TCF4: variants seen among roughly 807,000 people sequenced by gnomAD.
TCF4 encodes SL3-3 enhancer factor 2.
Under a neutral mutation model 82.1 loss-of-function variants are expected in TCF4, and 3 were observed. The observed-to-expected ratio is 0.04, with a 90% confidence interval of 0.02 to 0.09. The LOEUF is 0.09. Ranked by LOEUF, TCF4 falls within the 10% of genes least tolerant of loss-of-function variation. The pLI is 1.00. For missense variants in TCF4, 518 were observed against 852.7 expected, an observed-to-expected ratio of 0.61 and a Z score of 4.89; for synonymous variants, 276 against 309.6, an observed-to-expected ratio of 0.89 and a Z score of 1.14.
At chr18:55,476,479 T>G (rs2096291316) in intron 3 of TCF4, among the ~76,000 whole-genome samples, 1 of 152,140 alleles carries the variant, frequency 6.6e-6, no homozygotes, top group South Asian at 2.1e-4. Flanking sequence ...TTTTTTGTTT[T>G]TGTTTTTTTT....
chr18:55,446,507 A>C (rs1291828623), intron 5 of TCF4, among the ~76,000 whole-genome samples: 2 of 152,166 alleles, frequency 1.3e-5, no homozygotes, highest in African/African-American at 4.8e-5. Flanking sequence ...TCTTGCTTCA[A>C]ATCTGGATTC....
chr18:55,468,793 A>G (rs1047759228), intron 3 of TCF4, among the ~76,000 whole-genome samples: 9 of 152,078 alleles, frequency 5.9e-5, no homozygotes, highest in Admixed American at 2.6e-4. Flanking sequence ...AACAATATAC[A>G]GGAAATAGAT....
At chr18:55,246,395 G>A (rs556502913) in intron 15 of TCF4, among the ~76,000 whole-genome samples, 1 of 152,032 alleles carries the variant, frequency 6.6e-6, no homozygotes, top group African/African-American at 2.4e-5. Flanking sequence ...AGGGTTTTGA[G>A]GTAAACATCC....
At chr18:55,312,485 G>T (rs1360552559) in intron 8 of TCF4, among the ~76,000 whole-genome samples, 1 of 152,128 alleles carries the variant, frequency 6.6e-6, no homozygotes, top group Non-Finnish European at 1.5e-5. Context: ...TCCTTCATAA[G>T]AAACAATTCC....
At chr18:55,283,224 C>T (rs1307237634) in intron 8 of TCF4, among the ~76,000 whole-genome samples, 1 of 150,458 alleles carries the variant, frequency 6.6e-6, no homozygotes, top group Non-Finnish European at 1.5e-5. Context: ...AGAAGTATTA[C>T]TATGGTACAT....
intron 3 of TCF4, chr18:55,483,040 C>T (rs1432867290): frequency 6.6e-6 from 1 of 152,196 alleles, no homozygotes; most frequent in African/African-American, 2.4e-5. Flanking sequence ...GAAAAAGCTG[C>T]ATAAACACAA....
At chr18:55,600,517 C>T (rs2097695716) in intron 2 of TCF4, among the ~76,000 whole-genome samples, 1 of 152,338 alleles carries the variant, frequency 6.6e-6, no homozygotes, top group Non-Finnish European at 1.5e-5. Context: ...GAACCGTACA[C>T]ATGGACTCCA....
chr18:55,439,968 C>T (rs2095409556), intron 5 of TCF4, among the ~76,000 whole-genome samples: 1 of 152,190 alleles, frequency 6.6e-6, no homozygotes, highest in South Asian at 2.1e-4. Context: ...AAATGATCTG[C>T]CCTCCTCGGC....
chr18:55,497,610 T>A (rs941831041), intron 3 of TCF4, among the ~76,000 whole-genome samples: 2 of 152,234 alleles, frequency 1.3e-5, no homozygotes, highest in Admixed American at 1.3e-4. Flanking sequence ...ACCTAGCAGT[T>A]ATATTTGTTA....
intron 6 of TCF4, among the ~76,000 whole-genome samples, chr18:55,388,728 T>G (rs1248471296): frequency 6.6e-6 from 1 of 152,196 alleles, no homozygotes; most frequent in Non-Finnish European, 1.5e-5. Context: ...ATGCCAAATC[T>G]GGATCCAAAG....
intron 3 of TCF4, among the ~76,000 whole-genome samples, chr18:55,498,095 A>G (rs184921127): frequency 1.3e-5 from 2 of 152,338 alleles, no homozygotes; most frequent in African/African-American, 2.4e-5. Context: ...GTCTACACCA[A>G]GATATTTTTA....
intron 15 of TCF4, among the ~76,000 whole-genome samples, chr18:55,241,470 T>C (rs368965039): frequency 1.3e-5 from 2 of 152,348 alleles, no homozygotes; most frequent in African/African-American, 4.8e-5. Context: ...GAGAATATGG[T>C]GAAGTCTAGC....
chr18:55,528,676 T>C (rs1236782078), intron 3 of TCF4, among the ~76,000 whole-genome samples: 1 of 152,218 alleles, frequency 6.6e-6, no homozygotes, highest in African/African-American at 2.4e-5. Flanking sequence ...ATAGCACTAG[T>C]GTCATTAAAG....
At chr18:55,501,481 T>C (rs1046873775) in intron 3 of TCF4, among the ~76,000 whole-genome samples, 3 of 152,178 alleles carry the variant, frequency 2.0e-5, no homozygotes, top group Non-Finnish European at 2.9e-5. Flanking sequence ...ACTGAAAAGA[T>C]GAAACTCTAG....
rs140249356 is a variant in TCF4, at chr18:55,309,068, T to G, written c.550-29412A>C. Among the ~76,000 whole-genome samples, 44 of 152,228 alleles carry G rather than the reference T, an allele frequency of 2.9e-4. 1 individual carries two copies. Among genetic ancestry groups the G allele is most frequent in the African/African-American group, 1.0e-3 (43 of 41,558 alleles). Reference sequence around the variant, plus strand: ...GAAGTGATCTTTTTAAAGTTTTATTTAATTCTCATTGACTGACATCATTTA... The same window carrying G: ...GAAGTGATCTTTTTAAAGTTTTATTGAATTCTCATTGACTGACATCATTTA... On this transcript the variant is annotated intron_variant, in intron 8 of 19. Coordinates refer to ENST00000354452, the MANE Select transcript of TCF4 (RefSeq NM_001083962.2).
At chr18:55,236,364 T>C (rs961394625) in intron 15 of TCF4, among the ~76,000 whole-genome samples, 57 of 152,280 alleles carry the variant, frequency 3.7e-4, no homozygotes, top group African/African-American at 1.3e-3. Context: ...AAGAAGCCCA[T>C]TCCATTTTTA....
chr18:55,353,745 A>G (rs1228374365), intron 6 of TCF4, among the ~76,000 whole-genome samples: 4 of 152,188 alleles, frequency 2.6e-5, no homozygotes, highest in Admixed American at 2.0e-4. Context: ...ATGAATTTTA[A>G]AAAGTGAATG....
intron 3 of TCF4, among the ~76,000 whole-genome samples, chr18:55,562,125 A>G (rs1223498670): frequency 6.6e-6 from 1 of 152,200 alleles, no homozygotes; most frequent in East Asian, 1.9e-4. Context: ...GCTGTCTATA[A>G]CTGGCTTCAT....
intron 15 of TCF4, among the ~76,000 whole-genome samples, chr18:55,238,385 G>T (rs1051421295): frequency 6.6e-6 from 1 of 152,160 alleles, no homozygotes; most frequent in Non-Finnish European, 1.5e-5. Context: ...ATTGATCAGA[G>T]AATGCATTTA....
Sources: allele counts gnomAD v4.1 joint callset (sites outside exome capture counted in the v4.1 genomes callset), GRCh38; gene constraint gnomAD v4.1.1; transcripts MANE v1.5; gene names NCBI Gene and HGNC (gene_info 2026-07-23, HGNC 2026-07-21).